FAM107B: variants seen among roughly 807,000 people sequenced by gnomAD.
FAM107B encodes the protein protein FAM107B.
FAM107B carries 21 observed loss-of-function variants against 31.5 expected under a neutral mutation model. That is an observed-to-expected ratio of 0.67 (90% CI 0.47 to 0.96). FAM107B has a LOEUF of 0.96. Ranked by LOEUF, FAM107B falls within the 40% of genes least tolerant of loss-of-function variation. FAM107B has a pLI of 0.00. For synonymous variants in FAM107B, 157 were observed against 141.5 expected (o/e 1.11, Z -0.78); for missense variants, 452 against 377.1 (o/e 1.20, Z -1.64).
chr10:14,729,033 C>T (rs1238185997), intron 1 of FAM107B, among the ~76,000 whole-genome samples: 3 of 151,966 alleles, frequency 2.0e-5, no homozygotes, highest in Non-Finnish European at 2.9e-5. Context: ...TGCTCTTTGG[C>T]CCTGGCTGGA....
Position 14,667,635 on chromosome 10 carries a change from T to C in FAM107B, c.468A>G (p.Ser156=), listed in dbSNP as rs566961898. Residue 156 remains serine (S), a splice_region_variant and synonymous_variant, in exon 2 of 5, where the codon TCA becomes TCG. Coordinates refer to ENST00000181796, the MANE Select transcript of FAM107B (RefSeq NM_031453.4). The part of the protein sequence containing the change: ...KCLELEQKMT[S]DSPPEDIDHK... ...GGAATCACACAGAATGTACTCTACC[T>C]GATGTCATTTTCTGCTCCAGCTCGA... The C allele has an allele frequency of 1.2e-6, 2 of 1,614,162 alleles. No homozygotes were observed. The highest frequency in any genetic ancestry group is 1.7e-5 in the Admixed American group (1 of 60,020).
intron 1 of FAM107B, among the ~76,000 whole-genome samples, chr10:14,737,193 G>C (rs1021915500): frequency 2.0e-5 from 3 of 152,096 alleles, no homozygotes; most frequent in Non-Finnish European, 4.4e-5. Flanking sequence ...TCTTTTGTTA[G>C]GCTTGTAGGG....
At chr10:14,553,357 T>C (rs923508890) in intron 2 of FAM107B, 1 of 1,280,488 alleles carries the variant, frequency 7.8e-7, no homozygotes, top group African/African-American at 1.5e-5. Context: ...ACAGTTTCTC[T>C]ATCCACAAAA....
At chr10:14,583,086 CAAAAAAAAAAA>C (rs60205603) in intron 2 of FAM107B, among the ~76,000 whole-genome samples, 2 of 56,358 alleles carry the variant, frequency 3.5e-5, no homozygotes, top group African/African-American at 6.3e-5. Flanking sequence ...GACTCTGTCT[CAAAAAAAAAAA>C]AAAAAAAGAA....
At chr10:14,629,095 A>G (rs956303851) in intron 2 of FAM107B, among the ~76,000 whole-genome samples, 1 of 148,978 alleles carries the variant, frequency 6.7e-6, no homozygotes, top group Non-Finnish European at 1.5e-5. Flanking sequence ...AACTAAATAT[A>G]TAAAATTTAT....
intron 1 of FAM107B, among the ~76,000 whole-genome samples, chr10:14,698,926 A>G (rs1171580135): frequency 1.3e-5 from 2 of 152,230 alleles, no homozygotes; most frequent in East Asian, 3.8e-4. Flanking sequence ...ATTACCAGAA[A>G]TGAGGCATAA....
intron 2 of FAM107B, among the ~76,000 whole-genome samples, chr10:14,605,304 A>G (rs952142727): frequency 3.9e-5 from 6 of 152,174 alleles, no homozygotes; most frequent in African/African-American, 9.7e-5. Context: ...TTTCTGGCCA[A>G]CCCTAAGGCT....
Position 14,521,431 on chromosome 10 carries a change from C to T in FAM107B, c.805-125G>A, listed in dbSNP as rs529771889. The stretch of plus-strand genomic sequence containing the variant: ...CAGAATAAATTCTCTCCTGGTCCCC[C>T]ACTTTTAAAGAAATGGATGGATAGA... On this transcript the variant is annotated intron_variant, in intron 4 of 4. Coordinates refer to ENST00000181796, the MANE Select transcript of FAM107B (RefSeq NM_031453.4). 1.8e-5 allele frequency: 14 copies of T among 776,898 alleles called. No individual in the cohort carries two copies. The African/African-American group carries it at 2.4e-4, about 14-fold the overall frequency. 48.1% of individuals were successfully genotyped at this position (776,898 alleles called of 1,614,324 possible).
At chr10:14,577,436 T>C (rs899450099) in intron 2 of FAM107B, among the ~76,000 whole-genome samples, 3 of 152,258 alleles carry the variant, frequency 2.0e-5, no homozygotes, top group Non-Finnish European at 4.4e-5. Context: ...CGTGAATCTT[T>C]AAAAAAGCGA....
intron 1 of FAM107B, among the ~76,000 whole-genome samples, chr10:14,756,561 G>C (rs1832934809): frequency 6.6e-6 from 1 of 152,228 alleles, no homozygotes; most frequent in South Asian, 2.1e-4. Flanking sequence ...ATCCACTGAT[G>C]GTGGGTGTGT....
intron 3 of FAM107B, among the ~76,000 whole-genome samples, chr10:14,524,901 G>C (rs1043761739): frequency 8.5e-5 from 13 of 152,134 alleles, no homozygotes; most frequent in Non-Finnish European, 1.8e-4. Flanking sequence ...ACCTATGAAT[G>C]GGTTTAACTA....
intron 2 of FAM107B, among the ~76,000 whole-genome samples, chr10:14,613,288 A>G (rs186467773): frequency 6.6e-6 from 1 of 152,190 alleles, no homozygotes; most frequent in Admixed American, 6.5e-5. Flanking sequence ...CTTTCAATGA[A>G]TTGAATTGGC....
chr10:14,564,858 T>G (rs965445401), intron 2 of FAM107B, among the ~76,000 whole-genome samples: 1 of 152,230 alleles, frequency 6.6e-6, no homozygotes, highest in Admixed American at 6.5e-5. Flanking sequence ...ACTATACCAT[T>G]GTCCTACTCT....
intron 2 of FAM107B, among the ~76,000 whole-genome samples, chr10:14,596,621 T>G (rs1364826991): frequency 6.6e-6 from 1 of 152,224 alleles, no homozygotes; most frequent in Non-Finnish European, 1.5e-5. Context: ...AGAGGGCAAC[T>G]GACTCACTCA....
At chr10:14,635,281 G>A (rs1853469331) in intron 2 of FAM107B, among the ~76,000 whole-genome samples, 2 of 152,220 alleles carry the variant, frequency 1.3e-5, no homozygotes, top group South Asian at 2.1e-4. Flanking sequence ...CAAGAAACCA[G>A]GAAGCCCTAA....
At chr10:14,689,214 T>TA (rs906141319) in intron 1 of FAM107B, among the ~76,000 whole-genome samples, 2 of 151,170 alleles carry the variant, frequency 1.3e-5, no homozygotes. Flanking sequence ...ACCTCATCTC[T>TA]AAAAAAAATA....
At position 14,667,678 on chromosome 10, in the gene FAM107B, C is replaced by T. The variant is rs368610786; in HGVS notation, c.425G>A (p.Arg142Gln). 32 of 1,613,990 alleles carry T rather than the reference C, an allele frequency of 2.0e-5. No individual in the cohort carries two copies. The highest frequency in any genetic ancestry group is 1.3e-4 in the East Asian group (6 of 44,896). The stretch of plus-strand genomic sequence containing the variant: ...CAGCTCGAGGCATTTAGGTTCTTCT[C>T]GAAATTCTTCTTCCTAAGCGCCAGC... ...IIDTPKEEEF[R>Q]EEPKCLELEQ... Residue 142 changes from arginine (R) to glutamine (Q), a missense_variant, in exon 2 of 5, where the codon CGA becomes CAA. Coordinates refer to ENST00000181796, the MANE Select transcript of FAM107B (RefSeq NM_031453.4).
chr10:14,665,353 G>A (rs1854377825), intron 2 of FAM107B, among the ~76,000 whole-genome samples: 1 of 152,156 alleles, frequency 6.6e-6, no homozygotes, highest in African/African-American at 2.4e-5. Flanking sequence ...TTTCAGAATG[G>A]GATGTCTAAT....
intron 2 of FAM107B, among the ~76,000 whole-genome samples, chr10:14,531,815 C>CA (rs1438124739): frequency 1.3e-5 from 2 of 152,150 alleles, no homozygotes; most frequent in African/African-American, 2.4e-5. Context: ...GCCTGGGAAA[C>CA]AGAGAGAGAC....
Sources: gnomAD v4.1 joint callset for allele counts (sites outside exome capture counted in the v4.1 genomes callset) on GRCh38, gnomAD v4.1.1 for gene constraint, MANE v1.5 for transcripts, NCBI Gene and HGNC (gene_info 2026-07-23, HGNC 2026-07-21) for gene names.